The following KCMF1 variants were observed in gnomAD, a reference collection of about 807,000 sequenced individuals.
KCMF1 encodes potassium channel modulatory factor 1, also known as E3 ubiquitin-protein ligase KCMF1.
In KCMF1, 3 loss-of-function variants were observed where a neutral mutation model predicts 41.1. The observed-to-expected ratio is 0.07, with a 90% CI of 0.03 to 0.19. The LOEUF (loss-of-function observed/expected upper bound fraction) is 0.19, where lower values mean the gene tolerates loss of function less well. Among genes scored for constraint, KCMF1 ranks in the 10% least tolerant of loss-of-function variants. The pLI is 1.00. For synonymous variants in KCMF1, 142 were observed against 164.5 expected (o/e 0.86, Z 1.04); for missense variants, 286 against 488.9 (o/e 0.58, Z 3.91).
chr2:85,026,501 A>ATTT (rs1675109932), intron 1 of KCMF1, among the ~76,000 whole-genome samples: 2 of 141,498 alleles, frequency 1.4e-5, no homozygotes, highest in African/African-American at 5.4e-5. Context: ...TATTATTTTT[A>ATTT]TTTTTTCCAG....
At position 85,053,445 on chromosome 2, in the gene KCMF1, G is replaced by A. The variant is rs1675855290; in HGVS notation, c.*36G>A. ...ATTCGCAGACAATGTCCTCTGTGCT[G>A]TATTTGCCAATGAAAGTGGACAACA... is the stretch of plus-strand genomic sequence containing the variant. On this transcript the variant is annotated 3_prime_UTR_variant, in exon 7 of 7. Transcript: ENST00000409785. The A allele has an allele frequency of 3.2e-6, 5 of 1,567,550 alleles. No individual in the cohort carries two copies. The East Asian group carries it at 6.8e-5, about 21-fold the overall frequency.
chr2:85,018,267 AT>A (rs373718008), intron 1 of KCMF1, among the ~76,000 whole-genome samples: 1,805 of 126,864 alleles, frequency 0.014, 6 homozygotes, highest in African/African-American at 0.034. Flanking sequence ...ACTAAGCTAG[AT>A]TTTTTTTTTT....
chr2:85,030,537 TA>T (rs1426635625), intron 2 of KCMF1, among the ~76,000 whole-genome samples: 1 of 152,230 alleles, frequency 6.6e-6, no homozygotes, highest in Non-Finnish European at 1.5e-5. Flanking sequence ...GGGCCAACTT[TA>T]TTCTTTTGCA....
intron 1 of KCMF1, among the ~76,000 whole-genome samples, chr2:85,008,321 CAT>C (rs1310529862): frequency 2.3e-5 from 1 of 43,950 alleles, no homozygotes; most frequent in Non-Finnish European, 4.4e-5. Context: ...ATATATATAT[CAT>C]ATATAATATA....
chr2:84,983,342 T>C (rs1317120569), intron 1 of KCMF1, among the ~76,000 whole-genome samples: 1 of 152,112 alleles, frequency 6.6e-6, no homozygotes, highest in Non-Finnish European at 1.5e-5. Flanking sequence ...TTTTTTTTTT[T>C]AAGAGACAGA....
Position 85,053,533 on chromosome 2 carries a change from A to C in KCMF1, c.*124A>C. The C allele has an allele frequency of 1.0e-6, 1 of 975,492 alleles. No individual in the cohort carries two copies. Among genetic ancestry groups the C allele is most frequent in the South Asian group, 1.8e-5 (1 of 56,560 alleles). The allele number at this position is 975,492 out of a possible 1,614,324, so 60.4% of individuals were successfully genotyped here. A position where few individuals can be genotyped will look rare whatever the true frequency, so the allele number is the denominator to read the frequency against. On this transcript the variant is annotated 3_prime_UTR_variant, in exon 7 of 7. Coordinates refer to ENST00000409785, the MANE Select transcript of KCMF1 (RefSeq NM_020122.5). ...CTGTCACTCTTGTTACATTGTGTAC[A>C]TTCAAAAGGAAGAGAGAAAATATAT...
In KCMF1 at chr2:84,979,599, C is replaced by T. The variant is rs557579683; in HGVS notation, c.16+8132C>T. Among the ~76,000 whole-genome samples, 39 of 151,848 alleles carry T rather than the reference C, an allele frequency of 2.6e-4. No individual in the cohort carries two copies. The East Asian group carries it at 2.9e-3, about 11-fold the overall frequency. ...GCATATGGACTCAAAGGAAGCGCTCCCTAAACTGCATATTCATAAAAGTTA... is the reference window on the plus strand; with the variant it reads ...GCATATGGACTCAAAGGAAGCGCTCTCTAAACTGCATATTCATAAAAGTTA... On this transcript the variant is annotated intron_variant, in intron 1 of 6. Transcript: ENST00000409785.
At position 85,008,360 on chromosome 2, in the gene KCMF1, T is replaced by TC. The variant is rs1558573594; in HGVS notation, c.17-19529_17-19528insC. 7.4e-4 allele frequency among the ~76,000 whole-genome samples: 91 copies of TC among 122,396 alleles called. 5 individuals are homozygous for TC. Among genetic ancestry groups the TC allele is most frequent in the African/African-American group, 2.8e-3 (89 of 31,240 alleles). The allele number at this position is 122,396 out of a possible 152,430, so 80.3% of individuals were successfully genotyped here. A position where few individuals can be genotyped will look rare whatever the true frequency, so the allele number is the denominator to read the frequency against. ...AATATGATATATAATATATAATATA[T>TC]ATTATATATCATATGATATATTATA... is the stretch of plus-strand genomic sequence containing the variant. On this transcript the variant is annotated intron_variant, in intron 1 of 6. Coordinates refer to ENST00000409785, the MANE Select transcript of KCMF1 (RefSeq NM_020122.5).
intron 1 of KCMF1, among the ~76,000 whole-genome samples, chr2:84,972,648 A>G (rs1673430740): frequency 6.6e-6 from 1 of 152,222 alleles, no homozygotes; most frequent in Non-Finnish European, 1.5e-5. Flanking sequence ...TGTGCTTAGC[A>G]CTATGGGAAG....
rs1675970993 is a variant in KCMF1 at position 85,057,859 on chromosome 2, C to T, written c.*4450C>T. 6.6e-6 allele frequency: 1 copy of T among 152,210 alleles called. No homozygotes were observed. Among genetic ancestry groups the T allele is most frequent in the African/African-American group, 2.4e-5 (1 of 41,452 alleles). 9.4% of individuals were successfully genotyped at this position (152,210 alleles called of 1,614,324 possible). ...CTCAGAGAAGTTGATCCTGAACCTC[C>T]ACGTCACATTTTAGTCGGTTGCTAT... On this transcript the variant is annotated 3_prime_UTR_variant, in exon 7 of 7. Coordinates refer to ENST00000409785, the MANE Select transcript of KCMF1 (RefSeq NM_020122.5).
At chr2:85,008,270 A>AATATATAATATGATATATAATATATATC (rs1674527684) in intron 1 of KCMF1, among the ~76,000 whole-genome samples, 1 of 101,410 alleles carries the variant, frequency 9.9e-6, no homozygotes, top group Non-Finnish European at 1.9e-5. Context: ...TATCATATAT[A>AATATATAATATGATATATAATATATATC]ATATATAATA....
intron 1 of KCMF1, among the ~76,000 whole-genome samples, chr2:84,998,182 C>G (rs527366860): frequency 1.1e-3 from 167 of 149,980 alleles, no homozygotes; most frequent in Non-Finnish European, 1.5e-3. Context: ...ACCTCTGCCT[C>G]CCAGGTTCAA....
At chr2:84,974,233 A>G (rs1673473501) in intron 1 of KCMF1, among the ~76,000 whole-genome samples, 1 of 152,210 alleles carries the variant, frequency 6.6e-6, no homozygotes, top group Non-Finnish European at 1.5e-5. Context: ...TGAACTGGAT[A>G]TAATAGTCTG....
chr2:85,055,745 T>C lies in KCMF1; in HGVS notation c.*2336T>C, dbSNP rs1166067164. 2 of 152,220 alleles carry C rather than the reference T, an allele frequency of 1.3e-5. No homozygotes were observed. Among genetic ancestry groups the C allele is most frequent in the Non-Finnish European group, 2.9e-5 (2 of 68,036 alleles). 9.4% of individuals were successfully genotyped at this position (152,220 alleles called of 1,614,324 possible). A position where few individuals can be genotyped will look rare whatever the true frequency, so the allele number is the denominator to read the frequency against. On this transcript the variant is annotated 3_prime_UTR_variant, in exon 7 of 7. Transcript: ENST00000409785. ...CTTTAGTTTCTGAATGAAAATCTTA[T>C]TACTGGATGTACTATTGAATAAAAA...
At chr2:85,036,360 C>G (rs1370052092) in intron 3 of KCMF1, among the ~76,000 whole-genome samples, 6 of 152,156 alleles carry the variant, frequency 3.9e-5, no homozygotes, top group Non-Finnish European at 7.3e-5. Flanking sequence ...ATGAAGAATC[C>G]TAACTCAGTT....
chr2:85,012,104 A>T lies in KCMF1; in HGVS notation c.17-15785A>T, dbSNP rs372390349. 1.3e-4 allele frequency among the ~76,000 whole-genome samples: 20 copies of T among 152,320 alleles called. No individual in the cohort carries two copies. In the South Asian group the frequency reaches 2.1e-3, roughly 16 times the overall value. Reference sequence around the variant, plus strand: ...GAGGAAGGGCAAAGGGATTATGTTTATGGGCCTGTGATGGTCCTGTAATGT... The same window carrying T: ...GAGGAAGGGCAAAGGGATTATGTTTTTGGGCCTGTGATGGTCCTGTAATGT... On this transcript the variant is annotated intron_variant, in intron 1 of 6. Transcript: ENST00000409785.
chr2:85,034,182 C>CA (rs886668724), intron 2 of KCMF1, among the ~76,000 whole-genome samples: 1 of 151,720 alleles, frequency 6.6e-6, no homozygotes, highest in Non-Finnish European at 1.5e-5. Flanking sequence ...GACCTTGTCT[C>CA]AAAAAAAATT....
rs1313474315 is a variant in KCMF1 at position 85,056,702 on chromosome 2, GAT to G, written c.*3296_*3297del. 5.9e-5 allele frequency: 9 copies of G among 152,202 alleles called. No individual in the cohort carries two copies. The highest frequency in any genetic ancestry group is 2.2e-4 in the African/African-American group (9 of 41,450). The allele number at this position is 152,202 out of a possible 1,614,324, so 9.4% of individuals were successfully genotyped here. ...ATTAAGTCTACTGTAAGTGGGGTCT[GAT>G]ATGGCTTACTGATACAGGCATGTGT... On this transcript the variant is annotated 3_prime_UTR_variant, in exon 7 of 7. Coordinates refer to ENST00000409785, the MANE Select transcript of KCMF1 (RefSeq NM_020122.5).
chr2:85,027,565 G>A (rs1383930718), intron 1 of KCMF1, among the ~76,000 whole-genome samples: 1 of 151,784 alleles, frequency 6.6e-6, no homozygotes, highest in Non-Finnish European at 1.5e-5. Context: ...AGTAGAGACG[G>A]GGTTTCAACA....
Sources: gnomAD v4.1 joint callset for allele counts (sites outside exome capture counted in the v4.1 genomes callset) on GRCh38, gnomAD v4.1.1 for gene constraint, MANE v1.5 for transcripts, NCBI Gene and HGNC (gene_info 2026-07-23, HGNC 2026-07-21) for gene names.